Variants in ANKRD26 observed in about 807,000 individuals in gnomAD.
ANKRD26 encodes ankyrin repeat domain 26.
In ANKRD26, 141 loss-of-function variants were observed where a neutral mutation model predicts 208.7. That is an observed-to-expected ratio of 0.68 (90% CI 0.59 to 0.78). The LOEUF is 0.78. ANKRD26 is among the 30% of genes least tolerant of loss of function. The pLI is 0.00. For missense variants in ANKRD26, 1,889 were observed against 1,938.7 expected (o/e 0.97, Z 0.48); for synonymous variants, 636 against 660.4 (o/e 0.96, Z 0.57).
Position 27,034,792 on chromosome 10 carries a change from T to C in ANKRD26, c.3654+4A>G. Reference sequence around the variant, plus strand: ...GAAAAATATTTATCTTTCTTGATACTTACTTCTCTTTCTGCCTTTTCATTT... The same window carrying C: ...GAAAAATATTTATCTTTCTTGATACCTACTTCTCTTTCTGCCTTTTCATTT... On this transcript the variant is annotated splice_donor_region_variant and intron_variant, in intron 24 of 33. Coordinates refer to ENST00000376087, the MANE Select transcript of ANKRD26 (RefSeq NM_014915.3). 6.3e-7 allele frequency: 1 copy of C among 1,587,386 alleles called. No homozygotes were observed. The highest frequency in any genetic ancestry group is 1.1e-5 in the South Asian group (1 of 88,416).
At chr10:27,082,882 A>C (rs773775240) in intron 5 of ANKRD26, 49 bp from the exon 6 acceptor site, 1 of 1,548,586 alleles carries the variant, frequency 6.5e-7, no homozygotes, top group Non-Finnish European at 8.7e-7. Flanking sequence ...ATAGAAAAAT[A>C]TATAAAATTT....
At chr10:27,067,421 G>GTT (rs111776754) in intron 9 of ANKRD26, 135 bp from the exon 10 acceptor site, 837 of 792,806 alleles carry the variant, frequency 1.1e-3, no homozygotes, top group Non-Finnish European at 1.2e-3. Flanking sequence ...TGGGGGCATA[G>GTT]TTTTTTTTTT....
In ANKRD26 at chr10:27,030,513, A is replaced by G. The variant is rs1054055658; in HGVS notation, c.3808-1157T>C. The G allele has an allele frequency of 7.4e-5, 73 of 985,300 alleles. 1 individual carries two copies. In the African/African-American group the frequency reaches 1.2e-3, roughly 16 times the overall value. 61.0% of individuals were successfully genotyped at this position (985,300 alleles called of 1,614,324 possible). ...CTTTAGCGAGCACTCTGGTGGGCTT[A>G]AGGCTAAGGTTATGTCGTACGGTGT... On this transcript the variant is annotated intron_variant, in intron 25 of 33. Transcript: ENST00000376087.
chr10:26,990,190 T>G (rs17222371), downstream of ANKRD26, among the ~76,000 whole-genome samples: 14,440 of 152,146 alleles, frequency 0.095, 879 homozygotes, highest in Middle Eastern at 0.16. Context: ...GAGTCTGCTT[T>G]GGTTATAGTT....
chr10:26,980,674 G>C (rs1341066296), exon 5 of ANKRD26, among the ~76,000 whole-genome samples: 1 of 152,172 alleles, frequency 6.6e-6, no homozygotes, highest in Non-Finnish European at 1.5e-5. Context: ...CAGGGAGACT[G>C]TTGTGAAATC....
At chr10:26,987,218 A>G (rs1054988361), downstream of ANKRD26, among the ~76,000 whole-genome samples, 1 of 151,978 alleles carries the variant, frequency 6.6e-6, no homozygotes, top group Admixed American at 6.6e-5. Flanking sequence ...CTCATAGGTG[A>G]GAATTGAACA....
intron 29 of ANKRD26, among the ~76,000 whole-genome samples, chr10:27,020,200 T>C (rs527713769): frequency 5.3e-4 from 80 of 152,362 alleles, no homozygotes; most frequent in African/African-American, 1.9e-3. Flanking sequence ...TACATATTTA[T>C]GGCTAGAGAG....
intron 16 of ANKRD26, chr10:27,051,083 T>C: frequency 1.6e-6 from 2 of 1,255,420 alleles, no homozygotes; most frequent in Non-Finnish European, 2.1e-6. Context: ...GGACTTTTTC[T>C]TTCTCCAAAG....
Position 27,037,343 on chromosome 10 carries a change from T to A in ANKRD26, c.2560-20A>T. On this transcript the variant is annotated intron_variant, in intron 22 of 33. Coordinates refer to ENST00000376087, the MANE Select transcript of ANKRD26 (RefSeq NM_014915.3). Reference sequence around the variant, plus strand: ...AACGACCTAGAGATACATTAAGTTTTAGGTCTATTAGCATTTTGTAAAAGT... The same window carrying A: ...AACGACCTAGAGATACATTAAGTTTAAGGTCTATTAGCATTTTGTAAAAGT... 6.2e-7 allele frequency: 1 copy of A among 1,613,498 alleles called. No homozygotes were observed. The highest frequency in any genetic ancestry group is 8.5e-7 in the Non-Finnish European group (1 of 1,179,620).
the ANKRD26 span, among the ~76,000 whole-genome samples, chr10:26,951,591 GC>G: frequency 4.6e-5 from 7 of 152,112 alleles, no homozygotes; most frequent in African/African-American, 1.2e-4. Flanking sequence ...ATACTTAATA[GC>G]TTTTAATGGA....
At chr10:26,992,507 C>CACACACACACACACACAG (rs1554768436) in intron 5 of ANKRD26, among the ~76,000 whole-genome samples, 3 of 134,328 alleles carry the variant, frequency 2.2e-5, no homozygotes, top group South Asian at 2.2e-4. Context: ...CACACACACA[C>CACACACACACACACACAG]AGAGAGAAAA....
intron 15 of ANKRD26, among the ~76,000 whole-genome samples, chr10:27,057,395 T>A (rs564387405): frequency 2.0e-5 from 3 of 152,366 alleles, no homozygotes; most frequent in African/African-American, 7.2e-5. Flanking sequence ...GAGATTTGTT[T>A]ATTAATAATT....
chr10:27,040,015 T>C lies in ANKRD26; in HGVS notation c.2325A>G (p.Ser775=), dbSNP rs374641885. The part of the protein sequence containing the change: ...RELSETKEIK[S]QLEHQKVEWE... ...ATTCAACTTTTTGATGCTCTAACTG[T>C]GATTTTATTTCTTTTGTTTCAGATA... Residue 775 remains serine (S), a synonymous_variant, in exon 21 of 34, where the codon TCA becomes TCG. Transcript: ENST00000376087. The C allele has an allele frequency of 3.2e-5, 51 of 1,613,800 alleles. No homozygotes were observed. The African/African-American group carries it at 6.3e-4, about 20-fold the overall frequency.
At chr10:26,989,805 C>T (rs554711096), downstream of ANKRD26, among the ~76,000 whole-genome samples, 136 of 151,610 alleles carry the variant, frequency 9.0e-4, 1 homozygote, top group African/African-American at 3.1e-3. Flanking sequence ...CAGATGAGGA[C>T]GAGGGGAAGA....
chr10:27,035,525 A>G lies in ANKRD26; in HGVS notation c.2925T>C (p.Asn975=). 6.2e-7 allele frequency: 1 copy of G among 1,614,000 alleles called. No individual in the cohort carries two copies. Among genetic ancestry groups the G allele is most frequent in the Non-Finnish European group, 8.5e-7 (1 of 1,179,914 alleles). ...ETLTQTISQY[N]GRLSVLTAEN... ...CAGCTGTCAGAACACTAAGCCGTCCATTATACTGGGATATTGTTTGTGTTA... is the reference window on the plus strand; with the variant it reads ...CAGCTGTCAGAACACTAAGCCGTCCGTTATACTGGGATATTGTTTGTGTTA... The change falls in exon 24 of 34, where the codon AAT becomes AAC. Residue 975 remains asparagine (N), a synonymous_variant. Transcript: ENST00000376087.
At chr10:27,098,510 T>C (rs963687869) in intron 1 of ANKRD26, among the ~76,000 whole-genome samples, 4 of 152,140 alleles carry the variant, frequency 2.6e-5, no homozygotes, top group African/African-American at 9.7e-5. Flanking sequence ...AGAAAAAAGT[T>C]TGACTTATTA....
the ANKRD26 span, among the ~76,000 whole-genome samples, chr10:26,961,720 A>G: frequency 1.3e-5 from 2 of 152,112 alleles, no homozygotes; most frequent in Non-Finnish European, 2.9e-5. Flanking sequence ...GACTATTAAC[A>G]TACCTATCTC....
chr10:26,973,590 A>C (rs189644622), downstream of ANKRD26, among the ~76,000 whole-genome samples: 8 of 130,738 alleles, frequency 6.1e-5, no homozygotes, highest in East Asian at 2.0e-3. Context: ...CATTCAATTT[A>C]TTGTAATTAT....
chr10:27,060,486 C>A, intron 14 of ANKRD26, 26 bp downstream of exon 14: 1 of 1,563,436 alleles, frequency 6.4e-7, no homozygotes, highest in Non-Finnish European at 8.8e-7. Flanking sequence ...CTTAATAATT[C>A]AAGATAAAAA....
Sources: gnomAD v4.1 joint callset for allele counts (sites outside exome capture counted in the v4.1 genomes callset) on GRCh38, gnomAD v4.1.1 for gene constraint, MANE v1.5 for transcripts, NCBI Gene and HGNC (gene_info 2026-07-23, HGNC 2026-07-21) for gene names.